FUT8: variants seen among roughly 807,000 people sequenced by gnomAD.
The protein encoded by FUT8 is alpha-(1,6)-fucosyltransferase.
In FUT8, 29 loss-of-function variants were observed where a neutral mutation model predicts 71.3. That is an observed-to-expected ratio of 0.41 (90% confidence interval 0.30 to 0.55). The LOEUF (loss-of-function observed/expected upper bound fraction) is 0.55, where lower values mean the gene tolerates loss of function less well. FUT8 is among the 20% of genes least tolerant of loss of function. The probability of loss-of-function intolerance (pLI) is 0.34; values close to 1 mark genes in which losing one functional copy is unlikely to be tolerated. For synonymous variants in FUT8, 254 were observed against 239.3 expected (o/e 1.06, Z -0.57); for missense variants, 544 against 702.1 (o/e 0.77, Z 2.55).
chr14:65,477,159 T>A (rs2066259424), intron 2 of FUT8, among the ~76,000 whole-genome samples: 1 of 152,122 alleles, frequency 6.6e-6, no homozygotes, highest in South Asian at 2.1e-4. Flanking sequence ...GTAAAGCAGG[T>A]GTGTGGTCTG....
chr14:65,539,521 C>CT (rs1884550527), intron 2 of FUT8, among the ~76,000 whole-genome samples: 1 of 152,188 alleles, frequency 6.6e-6, no homozygotes, highest in Non-Finnish European at 1.5e-5. Context: ...GGCTCTACTA[C>CT]TTAAAAGTAT....
intron 2 of FUT8, among the ~76,000 whole-genome samples, chr14:65,549,420 A>AACCCC (rs1555370314): frequency 2.0e-5 from 3 of 151,316 alleles, no homozygotes; most frequent in Non-Finnish European, 4.4e-5. Context: ...TGTATGGTTT[A>AACCCC]CCCCCCAATC....
Position 65,551,754 on chromosome 14 carries a change from A to T in FUT8, c.-227-9583A>T, listed in dbSNP as rs1885297615. Among the ~76,000 whole-genome samples the T allele has an allele frequency of 5.3e-5, 8 of 152,332 alleles. 1 individual carries two copies. In the South Asian group the frequency reaches 1.7e-3, roughly 32 times the overall value. ...ATTTTAAAAAAGAAAAAGACAACAC[A>T]TCCTAGCCTGCTTATATTTTTGGGG... On this transcript the variant is annotated intron_variant, in intron 2 of 10. Transcript: ENST00000673929.
chr14:65,436,717 A>G (rs1269065922), intron 1 of FUT8, among the ~76,000 whole-genome samples: 1 of 152,174 alleles, frequency 6.6e-6, no homozygotes, highest in Admixed American at 6.5e-5. Context: ...TGCACACTCA[A>G]CTGTATCACA....
At chr14:65,585,717 A>G (rs540943474) in intron 3 of FUT8, among the ~76,000 whole-genome samples, 2 of 152,224 alleles carry the variant, frequency 1.3e-5, no homozygotes, top group Non-Finnish European at 2.9e-5. Context: ...TGAAGATTGG[A>G]AATTGGTGGG....
chr14:65,518,076 G>T (rs1181324723), intron 2 of FUT8, among the ~76,000 whole-genome samples: 1 of 152,130 alleles, frequency 6.6e-6, no homozygotes, highest in Non-Finnish European at 1.5e-5. Context: ...AGTCTTTTAT[G>T]AATTTAGTCA....
At chr14:65,400,045 A>G in the FUT8 span, among the ~76,000 whole-genome samples, 1 of 152,194 alleles carries the variant, frequency 6.6e-6, no homozygotes, top group Non-Finnish European at 1.5e-5. Flanking sequence ...TTAAAAATAT[A>G]TTTTGCTATT....
At chr14:65,682,326 A>T (rs1893075492) in intron 7 of FUT8, among the ~76,000 whole-genome samples, 1 of 152,136 alleles carries the variant, frequency 6.6e-6, no homozygotes, top group Non-Finnish European at 1.5e-5. Context: ...ACATAGTGAG[A>T]CCTGGTCTCT....
At chr14:65,412,280 G>A, upstream of FUT8, 1 of 456,704 alleles carries the variant, frequency 2.2e-6, no homozygotes, top group South Asian at 1.5e-5. Context: ...GGGCTGAGCA[G>A]CAGCAGCGCG....
chr14:65,671,481 G>T (rs1998036), intron 7 of FUT8, among the ~76,000 whole-genome samples: 2 of 151,872 alleles, frequency 1.3e-5, no homozygotes, highest in Non-Finnish European at 2.9e-5. Flanking sequence ...GACTTACCCA[G>T]GGTCATACAG....
chr14:65,512,199 G>A (rs775528625), intron 2 of FUT8, among the ~76,000 whole-genome samples: 17 of 152,216 alleles, frequency 1.1e-4, no homozygotes, highest in South Asian at 2.1e-4. Context: ...AGTCTTGCTC[G>A]GTTGCCCAGG....
the FUT8 span, among the ~76,000 whole-genome samples, chr14:65,380,479 T>C: frequency 6.6e-6 from 1 of 152,348 alleles, no homozygotes; most frequent in Admixed American, 6.5e-5. Context: ...TGTAGTATTT[T>C]AGAGGCATGG....
Position 65,544,203 on chromosome 14 carries a change from C to G in FUT8, c.-227-17134C>G, listed in dbSNP as rs1884854030. Among the ~76,000 whole-genome samples the G allele has an allele frequency of 3.3e-5, 5 of 152,222 alleles. No individual in the cohort carries two copies. The South Asian group carries it at 1.0e-3, about 32-fold the overall frequency. On this transcript the variant is annotated intron_variant, in intron 2 of 10. Coordinates refer to ENST00000673929, the MANE Select transcript of FUT8 (RefSeq NM_001371533.1). ...GTAAGAACTTGGCATATTCCAGAAACTGGCAGAAGGCTGATCTACTTGGTT... is the reference window on the plus strand; with the variant it reads ...GTAAGAACTTGGCATATTCCAGAAAGTGGCAGAAGGCTGATCTACTTGGTT...
At chr14:65,699,360 T>C (rs1014136052) in intron 7 of FUT8, among the ~76,000 whole-genome samples, 7 of 152,170 alleles carry the variant, frequency 4.6e-5, no homozygotes, top group Non-Finnish European at 8.8e-5. Flanking sequence ...TCTGACTCCT[T>C]CACTGGTCAT....
At chr14:65,468,962 G>A (rs1387159106) in intron 2 of FUT8, among the ~76,000 whole-genome samples, 2 of 149,818 alleles carry the variant, frequency 1.3e-5, no homozygotes, top group Non-Finnish European at 3.0e-5. Context: ...CATGCCTGGC[G>A]ATTAAAAAAA....
At chr14:65,633,127 TCCTGCCTCAG>T (rs1890297184) in intron 6 of FUT8, among the ~76,000 whole-genome samples, 1 of 151,812 alleles carries the variant, frequency 6.6e-6, no homozygotes, top group South Asian at 2.1e-4. Context: ...TGCCTGATTC[TCCTGCCTCAG>T]CCTGCCGAGT....
At chr14:65,731,447 C>T (rs1176446921) in intron 9 of FUT8, among the ~76,000 whole-genome samples, 2 of 152,106 alleles carry the variant, frequency 1.3e-5, no homozygotes, top group East Asian at 3.8e-4. Context: ...AGAATTCCTC[C>T]ACTGACATAC....
chr14:65,721,372 A>G (rs1052713225), intron 7 of FUT8, among the ~76,000 whole-genome samples: 1 of 152,160 alleles, frequency 6.6e-6, no homozygotes, highest in Non-Finnish European at 1.5e-5. Flanking sequence ...TGCAAGAGCA[A>G]TTTTGCTGTA....
At chr14:65,597,299 A>G (rs570120725) in intron 3 of FUT8, among the ~76,000 whole-genome samples, 1 of 152,286 alleles carries the variant, frequency 6.6e-6, no homozygotes, top group South Asian at 2.1e-4. Flanking sequence ...GATTTGAATG[A>G]GCTTTTCAGT....
Sources: allele counts gnomAD v4.1 joint callset (sites outside exome capture counted in the v4.1 genomes callset), GRCh38; gene constraint gnomAD v4.1.1; transcripts MANE v1.5; gene names NCBI Gene and HGNC (gene_info 2026-07-23, HGNC 2026-07-21).